The following CRPPA variants were observed in gnomAD, a reference collection of about 807,000 sequenced individuals.
CRPPA encodes the protein CDP-L-ribitol pyrophosphorylase A.
A neutral mutation model predicts 52.0 loss-of-function variants in CRPPA; 43 were observed. That is an observed-to-expected ratio of 0.83 (90% CI 0.65 to 1.07). The LOEUF (loss-of-function observed/expected upper bound fraction) is 1.07, where lower values mean the gene tolerates loss of function less well. Among genes scored for constraint, CRPPA ranks in the 50% least tolerant of loss-of-function variants. The pLI is 0.00. For missense variants in CRPPA, 629 were observed against 551.7 expected, an observed-to-expected ratio of 1.14 and a Z score of -1.40; for synonymous variants, 250 against 203.5, an observed-to-expected ratio of 1.23 and a Z score of -1.94.
At chr7:16,376,001 A>G in intron 3 of CRPPA, 91 bp downstream of exon 3, 2 of 1,231,642 alleles carry the variant, frequency 1.6e-6, no homozygotes, top group Non-Finnish European at 2.3e-6. Context: ...CTATACGCTC[A>G]GTCCCATCAG....
chr7:16,188,759 A>T (rs1389034645), intron 9 of CRPPA, among the ~76,000 whole-genome samples: 2 of 152,196 alleles, frequency 1.3e-5, no homozygotes, highest in African/African-American at 4.8e-5. Flanking sequence ...TATTAAATGT[A>T]TTTACTTTTA....
chr7:16,323,116 G>C (rs1785299482), intron 3 of CRPPA, among the ~76,000 whole-genome samples: 1 of 152,090 alleles, frequency 6.6e-6, no homozygotes, highest in Non-Finnish European at 1.5e-5. Flanking sequence ...AGATTTTTGG[G>C]TGGGGACATA....
intron 9 of CRPPA, among the ~76,000 whole-genome samples, chr7:16,142,230 G>A (rs1364751817): frequency 6.6e-6 from 1 of 152,106 alleles, no homozygotes; most frequent in African/African-American, 2.4e-5. Context: ...TAGGTTCAGG[G>A]CTACATGTGC....
intron 4 of CRPPA, among the ~76,000 whole-genome samples, chr7:16,305,023 G>A (rs1784878810): frequency 6.6e-6 from 1 of 151,990 alleles, no homozygotes; most frequent in Non-Finnish European, 1.5e-5. Flanking sequence ...CAGCATCTTT[G>A]GAGTTAGTGT....
At chr7:16,165,796 C>G (rs767357810) in intron 9 of CRPPA, among the ~76,000 whole-genome samples, 8 of 152,314 alleles carry the variant, frequency 5.3e-5, no homozygotes, top group Middle Eastern at 3.4e-3. Flanking sequence ...AAAAAGGTGA[C>G]ATAGCTTATG....
rs373359072 is a variant in CRPPA at position 16,140,852 on chromosome 7, A to G, written c.1252-49053T>C. ...ATGAAATACTAAGAACTATTCATTC[A>G]TTTATTGTTTATCGAACTCTTTTTT... On this transcript the variant is annotated intron_variant, in intron 9 of 9. Coordinates refer to ENST00000407010, the MANE Select transcript of CRPPA (RefSeq NM_001101426.4). Among the ~76,000 whole-genome samples the G allele has an allele frequency of 3.3e-5, 5 of 152,356 alleles. No homozygotes were observed. The East Asian group carries it at 5.8e-4, about 18-fold the overall frequency.
chr7:16,125,994 G>T (rs2128371380), intron 9 of CRPPA, among the ~76,000 whole-genome samples: 1 of 151,360 alleles, frequency 6.6e-6, no homozygotes, highest in Admixed American at 6.6e-5. Flanking sequence ...ACTAAGAATT[G>T]TAGAATTTCT....
intron 5 of CRPPA, among the ~76,000 whole-genome samples, chr7:16,291,477 C>T (rs867629520): frequency 2.0e-5 from 3 of 151,604 alleles, no homozygotes; most frequent in Middle Eastern, 3.4e-3. Context: ...GTTATATAGG[C>T]CAGGAAGAGA....
chr7:16,350,110 C>T (rs778326498), intron 3 of CRPPA, among the ~76,000 whole-genome samples: 1 of 134,762 alleles, frequency 7.4e-6, no homozygotes, highest in South Asian at 2.2e-4. Flanking sequence ...TTTTCAAGAA[C>T]TTAAAAAAAA....
intron 8 of CRPPA, among the ~76,000 whole-genome samples, chr7:16,238,348 A>G (rs1783005634): frequency 6.6e-6 from 1 of 152,196 alleles, no homozygotes; most frequent in Admixed American, 6.5e-5. Flanking sequence ...AGAGAATAAG[A>G]TCATTCCCTG....
chr7:16,266,522 A>G (rs1783958265), intron 6 of CRPPA, among the ~76,000 whole-genome samples: 1 of 148,608 alleles, frequency 6.7e-6, no homozygotes, highest in Admixed American at 6.8e-5. Flanking sequence ...TCTGTCACCC[A>G]TGCTGGAGTG....
At chr7:16,093,318 T>G (rs1197931085) in intron 9 of CRPPA, among the ~76,000 whole-genome samples, 2 of 152,158 alleles carry the variant, frequency 1.3e-5, no homozygotes, top group Non-Finnish European at 2.9e-5. Context: ...TGACACGGAC[T>G]GCAATTGCTT....
At chr7:16,403,660 G>C (rs372902599) in intron 2 of CRPPA, among the ~76,000 whole-genome samples, 1 of 152,194 alleles carries the variant, frequency 6.6e-6, no homozygotes, top group African/African-American at 2.4e-5. Flanking sequence ...CTGCATTTAT[G>C]TTTTTATGAT....
At chr7:16,329,508 CA>C (rs1254680391) in intron 3 of CRPPA, among the ~76,000 whole-genome samples, 2 of 152,098 alleles carry the variant, frequency 1.3e-5, no homozygotes, top group Non-Finnish European at 2.9e-5. Flanking sequence ...TTTGATTATC[CA>C]AAGAGTGTGC....
At chr7:16,301,339 G>A (rs1442372263) in intron 5 of CRPPA, 82 bp downstream of exon 5, 1 of 1,121,570 alleles carries the variant, frequency 8.9e-7, no homozygotes, top group South Asian at 1.4e-5. Context: ...TGAGATTGCT[G>A]GGATTTAAAC....
chr7:16,314,196 A>ACAAG lies in CRPPA; in HGVS notation c.685-5570_685-5569insCTTG, dbSNP rs537841730. Among the ~76,000 whole-genome samples the ACAAG allele has an allele frequency of 1.1e-4, 17 of 151,796 alleles. No individual in the cohort carries two copies. The East Asian group carries it at 3.3e-3, about 29-fold the overall frequency. The stretch of plus-strand genomic sequence containing the variant: ...AAGGATGGTCTGTTGTTAGATGTGT[A>ACAAG]CACATTAAGCACTGTTTTATATCCT... On this transcript the variant is annotated intron_variant, in intron 3 of 9. Transcript: ENST00000407010.
At position 16,250,117 on chromosome 7, in the gene CRPPA, G is replaced by A. The variant is rs901367044; in HGVS notation, c.1119+8273C>T. Among the ~76,000 whole-genome samples, 4 of 152,322 alleles carry A rather than the reference G, an allele frequency of 2.6e-5. No individual in the cohort carries two copies. The East Asian group carries it at 7.7e-4, about 29-fold the overall frequency. On this transcript the variant is annotated intron_variant, in intron 8 of 9. Coordinates refer to ENST00000407010, the MANE Select transcript of CRPPA (RefSeq NM_001101426.4). The stretch of plus-strand genomic sequence containing the variant: ...TTTCCACAGCTGAATCGATCAGGCA[G>A]AAGAAAGTATATCAGTGATTACTTA...
intron 3 of CRPPA, among the ~76,000 whole-genome samples, chr7:16,343,419 T>A (rs142732934): frequency 6.6e-6 from 1 of 152,220 alleles, no homozygotes; most frequent in Non-Finnish European, 1.5e-5. Flanking sequence ...GGAAGCCTAG[T>A]AGCCAATGAA....
At chr7:16,237,013 C>T (rs1010154136) in intron 8 of CRPPA, among the ~76,000 whole-genome samples, 2 of 151,688 alleles carry the variant, frequency 1.3e-5, no homozygotes, top group African/African-American at 4.8e-5. Flanking sequence ...TTATACTTTG[C>T]CAAAAAATCT....
Sources: gnomAD v4.1 joint callset for allele counts (sites outside exome capture counted in the v4.1 genomes callset) on GRCh38, gnomAD v4.1.1 for gene constraint, MANE v1.5 for transcripts, NCBI Gene and HGNC (gene_info 2026-07-23, HGNC 2026-07-21) for gene names.